The following SKAP1 variants were observed in gnomAD, a reference collection of about 807,000 sequenced individuals.
SKAP1 encodes the protein src kinase-associated phosphoprotein 1.
Under a neutral mutation model 58.5 loss-of-function variants are expected in SKAP1, and 44 were observed. The observed-to-expected ratio is 0.75, with a 90% CI of 0.59 to 0.97. The LOEUF (loss-of-function observed/expected upper bound fraction) is 0.97. SKAP1 is among the 50% of genes least tolerant of loss of function. The pLI, the probability that SKAP1 is intolerant of heterozygous loss-of-function variation, is 0.00. For synonymous variants in SKAP1, 127 were observed against 149.7 expected (o/e 0.85, Z 1.11); for missense variants, 390 against 435.2 (o/e 0.90, Z 0.92).
intron 1 of SKAP1, among the ~76,000 whole-genome samples, chr17:48,424,964 A>G (rs987444487): frequency 1.3e-5 from 2 of 150,866 alleles, no homozygotes; most frequent in African/African-American, 4.9e-5. Context: ...AAAGAAAATG[A>G]AAACCCTCAG....
chr17:48,406,227 T>C (rs1481249385), intron 1 of SKAP1, among the ~76,000 whole-genome samples: 1 of 151,596 alleles, frequency 6.6e-6, no homozygotes, highest in Non-Finnish European at 1.5e-5. Flanking sequence ...ATCATGCCAC[T>C]GCACTCCAGC....
chr17:48,192,482 G>A (rs2064560268), intron 4 of SKAP1, among the ~76,000 whole-genome samples: 1 of 152,120 alleles, frequency 6.6e-6, no homozygotes, highest in African/African-American at 2.4e-5. Context: ...ATTGCCTCGT[G>A]TGCAGGGAGA....
chr17:48,257,543 C>G (rs1411244587), intron 4 of SKAP1, among the ~76,000 whole-genome samples: 1 of 151,540 alleles, frequency 6.6e-6, no homozygotes, highest in Admixed American at 6.6e-5. Flanking sequence ...CATCCATGGA[C>G]ATTCAGAAAA....
intron 4 of SKAP1, among the ~76,000 whole-genome samples, chr17:48,289,377 AAAG>A (rs1404894447): frequency 6.6e-6 from 1 of 152,182 alleles, no homozygotes; most frequent in East Asian, 1.9e-4. Flanking sequence ...CTTGGAAATA[AAAG>A]AAGGGATAAA....
chr17:48,284,641 A>G (rs919201200), intron 4 of SKAP1, among the ~76,000 whole-genome samples: 2 of 152,206 alleles, frequency 1.3e-5, no homozygotes, highest in African/African-American at 4.8e-5. Flanking sequence ...TTTTATAAGT[A>G]ACGCAGGGAT....
At chr17:48,392,042 A>G (rs2067355158) in intron 2 of SKAP1, among the ~76,000 whole-genome samples, 1 of 152,182 alleles carries the variant, frequency 6.6e-6, no homozygotes, top group African/African-American at 2.4e-5. Flanking sequence ...TATTTACAGT[A>G]TACTACTTCA....
At chr17:48,319,661 G>C (rs888626788) in intron 4 of SKAP1, among the ~76,000 whole-genome samples, 3 of 152,162 alleles carry the variant, frequency 2.0e-5, no homozygotes. Context: ...GGGCAACATG[G>C]TGAAACCCCA....
In SKAP1 at chr17:48,410,129, C is replaced by T. The variant is rs146740918; in HGVS notation, c.47-13344G>A. Among the ~76,000 whole-genome samples, 566 of 152,218 alleles carry T rather than the reference C, an allele frequency of 3.7e-3. 3 individuals are homozygous for T. Among genetic ancestry groups the T allele is most frequent in the Middle Eastern group, 0.027 (8 of 294 alleles). On this transcript the variant is annotated intron_variant, in intron 1 of 12. Transcript: ENST00000336915. ...GGTTAACAATTCTTATACCGCTATA[C>T]ATGTTTACTGTAATTGAACAATTAA...
chr17:48,146,906 G>A (rs998400008), intron 11 of SKAP1, among the ~76,000 whole-genome samples: 1 of 152,190 alleles, frequency 6.6e-6, no homozygotes, highest in African/African-American at 2.4e-5. Flanking sequence ...TGGGATTACA[G>A]GCGTGAGCCA....
chr17:48,174,150 G>GA (rs955693722), intron 9 of SKAP1, among the ~76,000 whole-genome samples: 79 of 147,918 alleles, frequency 5.3e-4, no homozygotes, highest in African/African-American at 1.4e-3. Flanking sequence ...CAACTAGAAA[G>GA]AAAAAAAAAA....
intron 1 of SKAP1, among the ~76,000 whole-genome samples, chr17:48,407,326 G>T (rs1424000849): frequency 1.3e-5 from 2 of 152,160 alleles, no homozygotes; most frequent in Non-Finnish European, 2.9e-5. Flanking sequence ...AAGGAGGAAG[G>T]AAACAATAAA....
intron 4 of SKAP1, among the ~76,000 whole-genome samples, chr17:48,310,338 G>A (rs574276075): frequency 6.6e-6 from 1 of 152,324 alleles, no homozygotes; most frequent in African/African-American, 2.4e-5. Flanking sequence ...AGACCCTGAA[G>A]TCAGAGACAC....
chr17:48,173,474 CT>C (rs1439607247), intron 9 of SKAP1, among the ~76,000 whole-genome samples: 2 of 151,982 alleles, frequency 1.3e-5, no homozygotes, highest in Admixed American at 6.6e-5. Context: ...CGTCCACTTC[CT>C]TCCTTTCTCA....
intron 4 of SKAP1, among the ~76,000 whole-genome samples, chr17:48,325,943 G>C (rs540583666): frequency 2.0e-5 from 3 of 152,278 alleles, no homozygotes; most frequent in South Asian, 4.1e-4. Context: ...ACTATAAGTA[G>C]CTTTCATTTT....
chr17:48,436,452 A>G, the SKAP1 span, among the ~76,000 whole-genome samples: 30,577 of 152,058 alleles, frequency 0.2, 3,884 homozygotes, highest in South Asian at 0.37. Flanking sequence ...AAACCACACT[A>G]TCTTTCATAC....
intron 4 of SKAP1, among the ~76,000 whole-genome samples, chr17:48,288,265 T>G (rs192081611): frequency 1.6e-4 from 24 of 152,326 alleles, no homozygotes; most frequent in Middle Eastern, 3.4e-3. Context: ...TTTCCCCTTA[T>G]TTTTAAATAG....
rs2065737126 is a variant in SKAP1, at chr17:48,279,129, C to G, written c.280+66776G>C. On this transcript the variant is annotated intron_variant, in intron 4 of 12. Transcript: ENST00000336915. The stretch of plus-strand genomic sequence containing the variant: ...TGAGGCCACTTAACAGCTTCCAAAG[C>G]AAGGTGACGGTATTCTTAAGGCCTC... 1.3e-5 allele frequency among the ~76,000 whole-genome samples: 2 copies of G among 152,078 alleles called. 1 individual carries two copies. Among genetic ancestry groups the G allele is most frequent in the South Asian group, 4.1e-4 (2 of 4,822 alleles).
At chr17:48,268,075 C>T (rs1387141949) in intron 4 of SKAP1, among the ~76,000 whole-genome samples, 1 of 151,928 alleles carries the variant, frequency 6.6e-6, no homozygotes, top group Admixed American at 6.6e-5. Flanking sequence ...ATCAAATCCT[C>T]GAAAGACAGA....
chr17:48,208,697 C>T (rs1235823951), intron 4 of SKAP1, among the ~76,000 whole-genome samples: 1 of 152,230 alleles, frequency 6.6e-6, no homozygotes, highest in Non-Finnish European at 1.5e-5. Context: ...GAACAGTTTA[C>T]ACCAACAAAG....
Sources: allele counts gnomAD v4.1 joint callset (sites outside exome capture counted in the v4.1 genomes callset), GRCh38; gene constraint gnomAD v4.1.1; transcripts MANE v1.5; gene names NCBI Gene and HGNC (gene_info 2026-07-23, HGNC 2026-07-21).